The following PRKCD variants were observed in gnomAD, a reference collection of about 807,000 sequenced individuals.
PRKCD encodes the protein protein kinase C delta type.
PRKCD carries 20 observed loss-of-function variants against 82.2 expected under a neutral mutation model. That is an observed-to-expected ratio of 0.24 (90% confidence interval 0.17 to 0.35). The LOEUF (loss-of-function observed/expected upper bound fraction) is 0.35. Ranked by LOEUF, PRKCD falls within the 10% of genes least tolerant of loss-of-function variation. The pLI is 1.00. For synonymous variants in PRKCD, 317 were observed against 337.0 expected, an observed-to-expected ratio of 0.94 and a Z score of 0.65; for missense variants, 607 against 899.0, an observed-to-expected ratio of 0.68 and a Z score of 4.15.
intron 2 of PRKCD, among the ~76,000 whole-genome samples, chr3:53,170,663 C>T (rs1553664711): frequency 6.6e-6 from 1 of 152,242 alleles, no homozygotes; most frequent in Admixed American, 6.5e-5. Flanking sequence ...ACCAGCTGCC[C>T]TTCTGCCCCT....
chr3:53,189,755 C>T (rs1703854799), intron 17 of PRKCD, 118 bp from the exon 18 acceptor site: 2 of 1,453,490 alleles, frequency 1.4e-6, no homozygotes, highest in East Asian at 4.6e-5. Flanking sequence ...CACCGTTCCC[C>T]AGGCTGACTG....
rs1703943861 is a variant in PRKCD, at chr3:53,192,088, C to A, written c.1873-20C>A. On this transcript the variant is annotated intron_variant, in intron 18 of 18. Coordinates refer to ENST00000330452, the MANE Select transcript of PRKCD (RefSeq NM_006254.4). ...CCATTCCCTAGGTCCTGTTCGCTCA[C>A]CCCTGCCCTCTGCTTGTAGAAGTCA... The A allele has an allele frequency of 1.2e-6, 2 of 1,613,692 alleles. No individual in the cohort carries two copies. The highest frequency in any genetic ancestry group is 2.2e-5 in the South Asian group (2 of 91,084).
intron 2 of PRKCD, among the ~76,000 whole-genome samples, chr3:53,175,857 A>G (rs750528): frequency 0.11 from 16,267 of 152,148 alleles, 1,838 homozygotes; most frequent in African/African-American, 0.29. Context: ...ACCCTCAGGG[A>G]CAAGCCAGGC....
At chr3:53,181,396 C>A in intron 5 of PRKCD, 48 bp from the exon 6 acceptor site, 1 of 1,612,900 alleles carries the variant, frequency 6.2e-7, no homozygotes, top group South Asian at 1.1e-5. Flanking sequence ...GTAGGGGTGC[C>A]ACCCCTTCCA....
In PRKCD at chr3:53,186,809, T is replaced by A; in HGVS notation, c.1352+114T>A. The A allele has an allele frequency of 7.1e-6, 8 of 1,131,572 alleles. No individual in the cohort carries two copies. In the South Asian group the frequency reaches 1.2e-4, roughly 16 times the overall value. The allele number at this position is 1,131,572 out of a possible 1,614,324, so 70.1% of individuals were successfully genotyped here. A position where few individuals can be genotyped will look rare whatever the true frequency, so the allele number is the denominator to read the frequency against. The stretch of plus-strand genomic sequence containing the variant: ...TTCCCTCTCCCTAGAAAAGCCAGCC[T>A]GGGCTAGAGCGGCAACTGGGGAGAT... On this transcript the variant is annotated intron_variant, in intron 14 of 18. Transcript: ENST00000330452.
At chr3:53,170,620 C>T (rs546376156) in intron 2 of PRKCD, among the ~76,000 whole-genome samples, 1 of 152,366 alleles carries the variant, frequency 6.6e-6, no homozygotes, top group South Asian at 2.1e-4. Context: ...CTTTCTTCGT[C>T]TCCCTGGGTG....
intron 1 of PRKCD, among the ~76,000 whole-genome samples, chr3:53,164,126 C>T (rs985298288): frequency 1.3e-5 from 2 of 152,200 alleles, no homozygotes; most frequent in African/African-American, 4.8e-5. Context: ...AGCTGGCCTT[C>T]AGAGAAAATG....
At chr3:53,167,260 A>G (rs1292118469) in intron 2 of PRKCD, among the ~76,000 whole-genome samples, 1 of 152,090 alleles carries the variant, frequency 6.6e-6, no homozygotes, top group Non-Finnish European at 1.5e-5. Flanking sequence ...GCGTCTGGCC[A>G]CCGGGTTAGG....
At chr3:53,190,499 A>C (rs537880699) in intron 18 of PRKCD, among the ~76,000 whole-genome samples, 1 of 152,296 alleles carries the variant, frequency 6.6e-6, no homozygotes, top group Admixed American at 6.5e-5. Flanking sequence ...GCAGGAACCC[A>C]GGTGGCAGAG....
chr3:53,185,527 C>T (rs2107275108), intron 10 of PRKCD, 77 bp from the exon 11 acceptor site: 1 of 1,244,952 alleles, frequency 8.0e-7, no homozygotes, highest in Non-Finnish European at 1.2e-6. Context: ...GGAGTTATAC[C>T]TGGGAGTCTT....
In PRKCD at chr3:53,169,143, C is replaced by T. The variant is rs1553664397; in HGVS notation, c.-20+3928C>T. ...AGCAGGGGGAGCTGTCTGGCCTGAGCCACTGCCTGAGCTCGTGCACTCCTA... is the reference window on the plus strand; with the variant it reads ...AGCAGGGGGAGCTGTCTGGCCTGAGTCACTGCCTGAGCTCGTGCACTCCTA... On this transcript the variant is annotated intron_variant, in intron 2 of 18. Transcript: ENST00000330452. This position sits in a 1 kb window ranked among gnomAD's most constrained non-coding sequence, Gnocchi z 4.7. Among the ~76,000 whole-genome samples the T allele has an allele frequency of 2.0e-5, 3 of 151,924 alleles. No individual in the cohort carries two copies. The highest frequency in any genetic ancestry group is 4.4e-5 in the Non-Finnish European group (3 of 67,978).
At chr3:53,191,105 G>T (rs946578116) in intron 18 of PRKCD, among the ~76,000 whole-genome samples, 1 of 152,148 alleles carries the variant, frequency 6.6e-6, no homozygotes, top group Non-Finnish European at 1.5e-5. Flanking sequence ...AGGTTGCATT[G>T]CTCAATTTTA....
chr3:53,192,511 A>G lies in PRKCD; in HGVS notation c.*245A>G, dbSNP rs1281112925. On this transcript the variant is annotated 3_prime_UTR_variant, in exon 19 of 19. Coordinates refer to ENST00000330452, the MANE Select transcript of PRKCD (RefSeq NM_006254.4). Reference sequence around the variant, plus strand: ...TTTCATTACTTGAATGTAGTTATCTATTGAAAATATATATTATATACATAG... The same window carrying G: ...TTTCATTACTTGAATGTAGTTATCTGTTGAAAATATATATTATATACATAG... The G allele has an allele frequency of 2.9e-6, 1 of 347,100 alleles. No homozygotes were observed. The highest frequency in any genetic ancestry group is 2.1e-5 in the African/African-American group (1 of 48,322). The allele number at this position is 347,100 out of a possible 1,614,324, so 21.5% of individuals were successfully genotyped here.
intron 1 of PRKCD, among the ~76,000 whole-genome samples, chr3:53,164,641 G>A (rs889169930): frequency 6.6e-6 from 1 of 151,884 alleles, no homozygotes; most frequent in Non-Finnish European, 1.5e-5. Context: ...TCCAGCACAG[G>A]AGCTGGCACG....
intron 1 of PRKCD, among the ~76,000 whole-genome samples, chr3:53,162,202 G>T (rs1279444104): frequency 6.6e-6 from 1 of 151,896 alleles, no homozygotes; most frequent in Non-Finnish European, 1.5e-5. Flanking sequence ...GCCCGATACG[G>T]TCTGTACTCG....
In PRKCD at chr3:53,184,675, C is replaced by CA. The variant is rs535517121; in HGVS notation, c.788-183dup. The stretch of plus-strand genomic sequence containing the variant: ...GGGCAATAAGAGGGAAACTCCATCT[C>CA]AAAAAAAAAAAAAAAAGAGAGAGAG... On this transcript the variant is annotated intron_variant, in intron 9 of 18. Coordinates refer to ENST00000330452, the MANE Select transcript of PRKCD (RefSeq NM_006254.4). Among the ~76,000 whole-genome samples, 75,406 of 116,508 alleles carry CA rather than the reference C, an allele frequency of 0.65. 23,883 individuals carry two copies. The highest frequency in any genetic ancestry group is 0.76 in the East Asian group (3,205 of 4,206). 76.4% of individuals were successfully genotyped at this position (116,508 alleles called of 152,430 possible). A position where few individuals can be genotyped will look rare whatever the true frequency, so the allele number is the denominator to read the frequency against.
Position 53,192,130 on chromosome 3 carries a change from A to G in PRKCD, c.1895A>G (p.Asn632Ser). The change falls in exon 19 of 19, where the codon AAC becomes AGC. Residue 632 changes from asparagine (N) to serine (S), a missense_variant. Coordinates refer to ENST00000330452, the MANE Select transcript of PRKCD (RefSeq NM_006254.4). ...PKVKSPRDYS[N>S]FDQEFLNEKA... Reference sequence around the variant, plus strand: ...TAGAAGTCACCCAGAGACTACAGTAACTTTGACCAGGAGTTCCTGAACGAG... The same window carrying G: ...TAGAAGTCACCCAGAGACTACAGTAGCTTTGACCAGGAGTTCCTGAACGAG... The G allele has an allele frequency of 6.2e-7, 1 of 1,613,894 alleles. No homozygotes were observed.
At chr3:53,191,884 C>G (rs180921725) in intron 18 of PRKCD, among the ~76,000 whole-genome samples, 22 of 152,234 alleles carry the variant, frequency 1.4e-4, no homozygotes. Flanking sequence ...GCTACCACCT[C>G]TCCTAACCCA....
Position 53,186,161 on chromosome 3 carries a change from C to T in PRKCD, c.1087-6C>T, listed in dbSNP as rs1703678842. ...CACCTGCTCAGCACCCGTGTCTCCCCATCAGGTGCTGCTTGGAGAGCTGAA... is the reference window on the plus strand; with the variant it reads ...CACCTGCTCAGCACCCGTGTCTCCCTATCAGGTGCTGCTTGGAGAGCTGAA... On this transcript the variant is annotated splice_polypyrimidine_tract_variant and splice_region_variant and intron_variant, in intron 12 of 18. Transcript: ENST00000330452. 2 of 1,613,056 alleles carry T rather than the reference C, an allele frequency of 1.2e-6. No individual in the cohort carries two copies. Among genetic ancestry groups the T allele is most frequent in the African/African-American group, 2.7e-5 (2 of 74,898 alleles).
Sources: gnomAD v4.1 joint callset for allele counts (sites outside exome capture counted in the v4.1 genomes callset) on GRCh38, gnomAD v4.1.1 for gene constraint, Gnocchi (gnomAD v3.1) non-coding constraint, MANE v1.5 for transcripts, NCBI Gene and HGNC (gene_info 2026-07-23, HGNC 2026-07-21) for gene names.